The following CLUAP1 variants were observed in gnomAD, a reference collection of about 807,000 sequenced individuals.
The protein encoded by CLUAP1 is clusterin-associated protein 1.
CLUAP1 carries 50 observed loss-of-function variants against 55.0 expected under a neutral mutation model. That is an observed-to-expected ratio of 0.91 (90% CI 0.72 to 1.15). The LOEUF is 1.15. Ranked by LOEUF, CLUAP1 falls within the 50% of genes most tolerant of loss-of-function variation. CLUAP1 has a pLI of 0.00. For synonymous variants in CLUAP1, 195 were observed against 175.4 expected (o/e 1.11, Z -0.88); for missense variants, 530 against 507.6 (o/e 1.04, Z -0.42).
chr16:3,515,838 C>T (rs1441277478), intron 6 of CLUAP1, among the ~76,000 whole-genome samples: 2 of 152,146 alleles, frequency 1.3e-5, no homozygotes, highest in Admixed American at 1.3e-4. Flanking sequence ...TGATAATTAT[C>T]AGTTATTCAA....
intron 10 of CLUAP1, among the ~76,000 whole-genome samples, chr16:3,531,715 G>C (rs1186870144): frequency 1.3e-5 from 2 of 151,982 alleles, no homozygotes; most frequent in Non-Finnish European, 2.9e-5. Context: ...CACATACAAA[G>C]ATCACCTGAA....
intron 1 of CLUAP1, among the ~76,000 whole-genome samples, 178 bp from the exon 2 acceptor site, chr16:3,504,542 G>C (rs1429360094): frequency 6.6e-6 from 1 of 152,096 alleles, no homozygotes; most frequent in African/African-American, 2.4e-5. Flanking sequence ...TTTTTAGGTA[G>C]CATTTTTGGT....
upstream of CLUAP1, chr16:3,496,308 C>A (rs2037308865): frequency 3.1e-6 from 3 of 970,666 alleles, no homozygotes; most frequent in East Asian, 6.5e-5. Context: ...TACAGGTTAC[C>A]GTCCAGACGA....
Position 3,536,249 on chromosome 16 carries a change from A to G in CLUAP1, c.1220A>G (p.Asp407Gly), listed in dbSNP as rs2038230159. The change falls in exon 12 of 12, where the codon GAT (aspartate) becomes GGT (glycine). Residue 407 changes from aspartate to glycine, a missense_variant. By Grantham distance (94) the Asp-to-Gly change is moderately conservative (BLOSUM62 -1). Transcript: ENST00000576634. ...NRRVRKSEPL[D>G]ESDNDF ...AGGGTCCGGAAATCTGAACCCCTGG[A>G]TGAGAGTGACAATGACTTCTGACCC... 6.2e-7 allele frequency: 1 copy of G among 1,614,038 alleles called. No individual in the cohort carries two copies. Among genetic ancestry groups the G allele is most frequent in the Non-Finnish European group, 8.5e-7 (1 of 1,180,032 alleles).
Position 3,526,284 on chromosome 16 carries a change from C to T in CLUAP1, c.856-128C>T, listed in dbSNP as rs117949747. The T allele has an allele frequency of 3.6e-3, 1,579 of 435,406 alleles. 23 individuals carry two copies. The highest frequency in any genetic ancestry group is 0.034 in the East Asian group (809 of 23,544). 27.0% of individuals were successfully genotyped at this position (435,406 alleles called of 1,614,324 possible). A position where few individuals can be genotyped will look rare whatever the true frequency, so the allele number is the denominator to read the frequency against. ...GCTCAGGCAGTGTTAATTCTCTTCCCCTTCCTTGAGTTTAGCTCTTTTTTT... is the reference window on the plus strand; with the variant it reads ...GCTCAGGCAGTGTTAATTCTCTTCCTCTTCCTTGAGTTTAGCTCTTTTTTT... On this transcript the variant is annotated intron_variant, in intron 8 of 11. Coordinates refer to ENST00000576634, the MANE Select transcript of CLUAP1 (RefSeq NM_015041.3).
intron 11 of CLUAP1, 156 bp downstream of exon 11, chr16:3,532,997 G>A: frequency 7.4e-7 from 1 of 1,348,192 alleles, no homozygotes; most frequent in Non-Finnish European, 1.0e-6. Context: ...ATGAGGCTCT[G>A]GACTCTTCGT....
At chr16:3,522,196 C>T (rs1420876171) in intron 7 of CLUAP1, among the ~76,000 whole-genome samples, 1 of 152,098 alleles carries the variant, frequency 6.6e-6, no homozygotes, top group African/African-American at 2.4e-5. Flanking sequence ...TGGAGTCTCT[C>T]TGTGTTGCCT....
intron 7 of CLUAP1, among the ~76,000 whole-genome samples, chr16:3,521,126 C>CG (rs2037824080): frequency 6.6e-6 from 1 of 152,024 alleles, no homozygotes; most frequent in Admixed American, 6.6e-5. Flanking sequence ...CAAGGCCCTT[C>CG]CCCTCCTGAA....
chr16:3,523,185 G>C lies in CLUAP1; in HGVS notation c.741G>C (p.Lys247Asn). Reference sequence around the variant, plus strand: ...CATGTTTTATGGATGAGTATGAGAAGACTGAGGAAGAATTACAAAAGCAGT... The same window carrying C: ...CATGTTTTATGGATGAGTATGAGAACACTGAGGAAGAATTACAAAAGCAGT... ...VRPCFMDEYEKTEEELQKQYD... is the reference protein window; with the variant it reads ...VRPCFMDEYENTEEELQKQYD... The change falls in exon 8 of 12, where the codon AAG becomes AAC. Residue 247 changes from lysine (K) to asparagine (N), a missense_variant. Transcript: ENST00000576634. 1 of 1,613,276 alleles carries C rather than the reference G, an allele frequency of 6.2e-7. No homozygotes were observed. Among genetic ancestry groups the C allele is most frequent in the Non-Finnish European group, 8.5e-7 (1 of 1,179,734 alleles).
At chr16:3,500,067 G>A (rs1368598284), upstream of CLUAP1, among the ~76,000 whole-genome samples, 1 of 152,258 alleles carries the variant, frequency 6.6e-6, no homozygotes, top group African/African-American at 2.4e-5. Context: ...TACAAAACCC[G>A]GCTGCTGTGC....
rs369602114 is a variant in CLUAP1, at chr16:3,501,096, C to T, written c.22+7C>T. 5.7e-6 allele frequency: 9 copies of T among 1,590,980 alleles called. No individual in the cohort carries two copies. In the African/African-American group the frequency reaches 1.1e-4, roughly 19 times the overall value. ...TCTTTCCGCGACCTCCGCAGTAAGG[C>T]AGCCCCGCGCCCCTGTGACCTGCGG... On this transcript the variant is annotated splice_region_variant and intron_variant, in intron 1 of 11. Coordinates refer to ENST00000576634, the MANE Select transcript of CLUAP1 (RefSeq NM_015041.3).
intron 8 of CLUAP1, among the ~76,000 whole-genome samples, chr16:3,524,124 C>T (rs567013035): frequency 6.6e-6 from 1 of 151,798 alleles, no homozygotes; most frequent in African/African-American, 2.4e-5. Flanking sequence ...CATAATGAGA[C>T]CCTGTCTCTA....
intron 6 of CLUAP1, among the ~76,000 whole-genome samples, chr16:3,517,416 C>T (rs539596078): frequency 3.9e-5 from 6 of 152,222 alleles, no homozygotes; most frequent in Non-Finnish European, 7.4e-5. Context: ...GAGCAATTCT[C>T]GTGCCTCAAC....
At chr16:3,519,363 G>C (rs538062497) in intron 6 of CLUAP1, among the ~76,000 whole-genome samples, 2 of 152,344 alleles carry the variant, frequency 1.3e-5, no homozygotes, top group South Asian at 4.1e-4. Flanking sequence ...TTTTTAGTCT[G>C]TAGTCAAGCT....
intron 4 of CLUAP1, among the ~76,000 whole-genome samples, chr16:3,510,942 G>C (rs757692403): frequency 2.6e-5 from 4 of 152,184 alleles, no homozygotes; most frequent in Non-Finnish European, 5.9e-5. Flanking sequence ...CTGGGAGCTG[G>C]GGAGCAATCA....
Position 3,506,391 on chromosome 16 carries a change from C to T in CLUAP1, c.195C>T (p.Phe65=), listed in dbSNP as rs764268073. The change falls in exon 3 of 12, where the codon TTC becomes TTT. Residue 65 remains phenylalanine, a synonymous_variant. Transcript: ENST00000576634. ...DVDTEQDRVF[F]IKAIAQFMAT... Reference sequence around the variant, plus strand: ...ATACTGAACAGGACCGAGTTTTCTTCATTAAGGCAATTGCCCAGTTCATGG... The same window carrying T: ...ATACTGAACAGGACCGAGTTTTCTTTATTAAGGCAATTGCCCAGTTCATGG... 1.2e-5 allele frequency: 19 copies of T among 1,613,890 alleles called. No individual in the cohort carries two copies. Among genetic ancestry groups the T allele is most frequent in the Non-Finnish European group, 1.5e-5 (18 of 1,179,880 alleles).
chr16:3,533,050 T>A, intron 11 of CLUAP1: 1 of 1,500,114 alleles, frequency 6.7e-7, no homozygotes, highest in South Asian at 1.2e-5. Flanking sequence ...ATGTGCTTGC[T>A]CTGCTTTTTT....
chr16:3,504,755 C>T lies in CLUAP1; in HGVS notation c.58C>T (p.Arg20Ter), dbSNP rs759248659. 1.7e-5 allele frequency: 27 copies of T among 1,612,086 alleles called. No homozygotes were observed. Among genetic ancestry groups the T allele is most frequent in the East Asian group, 6.7e-5 (3 of 44,890 alleles). ...GATGATGAGAGCCCTGGGATACCCT[C>T]GACATATTTCTATGGAAAATTTCCG... ...TEMMRALGYP[R>*]HISMENFRTP... is the part of the protein sequence containing the mutation. Residue 20 changes from arginine (R) to a stop codon, truncating the protein, a stop_gained, in exon 2 of 12, where the codon CGA (arginine) becomes TGA (stop). Transcript: ENST00000576634. LOFTEE classifies it high-confidence loss of function.
intron 3 of CLUAP1, 82 bp downstream of exon 3, chr16:3,506,497 G>A (rs1193075279): frequency 9.4e-7 from 1 of 1,063,688 alleles, no homozygotes; most frequent in East Asian, 2.4e-5. Context: ...CTTTCAAACT[G>A]TGTAATTGAG....
Sources: allele counts gnomAD v4.1 joint callset (sites outside exome capture counted in the v4.1 genomes callset), GRCh38; gene constraint gnomAD v4.1.1; transcripts MANE v1.5; gene names NCBI Gene and HGNC (gene_info 2026-07-23, HGNC 2026-07-21).